The following STX5 variants were observed in gnomAD, a reference collection of about 807,000 sequenced individuals.
STX5 encodes the protein syntaxin 5.
In STX5, 15 loss-of-function variants were observed where a neutral mutation model predicts 42.9. That is an observed-to-expected ratio of 0.35 (90% confidence interval 0.23 to 0.54). The LOEUF (loss-of-function observed/expected upper bound fraction) is 0.54. Among genes scored for constraint, STX5 ranks in the 20% least tolerant of loss-of-function variants. The probability of loss-of-function intolerance (pLI) is 0.91; values close to 1 mark genes in which losing one functional copy is unlikely to be tolerated. For missense variants in STX5, 430 were observed against 455.0 expected (o/e 0.95, Z 0.50); for synonymous variants, 184 against 173.2 (o/e 1.06, Z -0.49).
chr11:62,827,369 A>T lies in STX5; in HGVS notation c.326T>A (p.Phe109Tyr). The T allele has an allele frequency of 6.2e-7, 1 of 1,614,210 alleles. No individual in the cohort carries two copies. The highest frequency in any genetic ancestry group is 8.5e-7 in the Non-Finnish European group (1 of 1,180,046). The change falls in exon 4 of 11, where the codon TTT becomes TAT. Residue 109 changes from phenylalanine (F) to tyrosine (Y), a missense_variant. By Grantham distance (22) the Phe-to-Tyr change is conservative. Coordinates refer to ENST00000294179, the MANE Select transcript of STX5 (RefSeq NM_003164.5). ...GATTGTCAGCTTCTCCAGCTTGGCA[A>T]ATGTGTTGCTAAGGTCTTTCCCAAT... ...KRIGKDLSNTFAKLEKLTILA... is the reference protein window; with the variant it reads ...KRIGKDLSNTYAKLEKLTILA...
At position 62,807,337 on chromosome 11, in the gene STX5, G is replaced by A. The variant is rs975309349; in HGVS notation, c.*132C>T. 1.4e-5 allele frequency: 20 copies of A among 1,388,144 alleles called. No homozygotes were observed. Among genetic ancestry groups the A allele is most frequent in the Non-Finnish European group, 1.8e-5 (19 of 1,042,516 alleles). The allele number at this position is 1,388,144 out of a possible 1,614,324, so 86.0% of individuals were successfully genotyped here. A position where few individuals can be genotyped will look rare whatever the true frequency, so the allele number is the denominator to read the frequency against. On this transcript the variant is annotated 3_prime_UTR_variant, in exon 11 of 11. Transcript: ENST00000294179. ...AAGGGGTGGGGGATCAGGGGCAGTG[G>A]TCATTCTTAGCAGTTCCAGGGAAAC...
intron 3 of STX5, 31 bp from the exon 4 acceptor site, chr11:62,827,429 A>C (rs757163333): frequency 6.2e-7 from 1 of 1,614,136 alleles, no homozygotes; most frequent in Non-Finnish European, 8.5e-7. Flanking sequence ...GACTGTGGGA[A>C]AGGGCAGGAC....
Position 62,827,770 on chromosome 11 carries a change from G to A in STX5, c.226-139C>T, listed in dbSNP as rs555503063. 22 of 842,578 alleles carry A rather than the reference G, an allele frequency of 2.6e-5. No homozygotes were observed. The East Asian group carries it at 4.4e-4, about 17-fold the overall frequency. 52.2% of individuals were successfully genotyped at this position (842,578 alleles called of 1,614,324 possible). ...TGATCTAGATTTATGAGTGGTAGTC[G>A]TTTAGAGTCCAGATTTGAAGAGCAG... On this transcript the variant is annotated intron_variant, in intron 2 of 10. Coordinates refer to ENST00000294179, the MANE Select transcript of STX5 (RefSeq NM_003164.5).
At chr11:62,821,321 C>T (rs2084737823) in intron 10 of STX5, among the ~76,000 whole-genome samples, 1 of 151,902 alleles carries the variant, frequency 6.6e-6, no homozygotes, top group African/African-American at 2.4e-5. Context: ...AAAAGAAAAA[C>T]CTGTCAAAAT....
At chr11:62,825,230 C>T in intron 7 of STX5, 53 bp downstream of exon 7, 2 of 1,613,082 alleles carry the variant, frequency 1.2e-6, no homozygotes, top group Admixed American at 1.7e-5. Context: ...CTTCATTTCC[C>T]TCTTGGATCT....
rs1429266675 is a variant in STX5 at position 62,824,532 on chromosome 11, T to A, written c.713A>T (p.His238Leu). ...GTCGATGGCGACATCCTTGGAGGCA[T>A]GGGACTCTGCCCCCAGAACCACAGC... Reference protein sequence around the residue: ...GGAVVLGAESHASKDVAIDMM... With the variant: ...GGAVVLGAESLASKDVAIDMM... The change falls in exon 9 of 11, where the codon CAT (histidine) becomes CTT (leucine). Residue 238 changes from histidine to leucine, a missense_variant. Coordinates refer to ENST00000294179, the MANE Select transcript of STX5 (RefSeq NM_003164.5). 6.2e-7 allele frequency: 1 copy of A among 1,614,154 alleles called. No individual in the cohort carries two copies. Among genetic ancestry groups the A allele is most frequent in the South Asian group, 1.1e-5 (1 of 91,082 alleles).
intron 10 of STX5, among the ~76,000 whole-genome samples, chr11:62,816,468 A>G (rs550019856): frequency 1.3e-5 from 2 of 152,148 alleles, no homozygotes; most frequent in Admixed American, 6.6e-5. Flanking sequence ...TCTTGGAGAG[A>G]TAGGGTCTTG....
At chr11:62,813,581 A>G (rs1266530842) in intron 10 of STX5, among the ~76,000 whole-genome samples, 2 of 152,184 alleles carry the variant, frequency 1.3e-5, no homozygotes, top group Non-Finnish European at 2.9e-5. Context: ...CCGGCTTTAT[A>G]CAAATGTAGG....
chr11:62,807,870 C>A, intron 10 of STX5: 1 of 630,272 alleles, frequency 1.6e-6, no homozygotes, highest in Non-Finnish European at 2.5e-6. Flanking sequence ...TTTTCCTCAC[C>A]GGCAAAATGA....
chr11:62,817,092 A>AT (rs1169811527), intron 10 of STX5, among the ~76,000 whole-genome samples: 1 of 151,518 alleles, frequency 6.6e-6, no homozygotes, highest in East Asian at 2.0e-4. Context: ...TGCCCAGCTA[A>AT]TTTTTTTGTA....
rs2084784566 is a variant in STX5, at chr11:62,825,453, G to A, written c.510C>T (p.Thr170=). The part of the protein sequence containing the change: ...KGSQSGRHLQ[T]HSNTIVVSLQ... ...AGGAGACCACAATGGTGTTGGAGTG[G>A]GTCTGCAGGTGCCGGCCACTCTGGC... Residue 170 remains threonine (T), a synonymous_variant, in exon 6 of 11, where the codon ACC becomes ACT. Transcript: ENST00000294179. 2.5e-6 allele frequency: 4 copies of A among 1,614,082 alleles called. No individual in the cohort carries two copies. The highest frequency in any genetic ancestry group is 3.4e-6 in the Non-Finnish European group (4 of 1,180,034).
intron 10 of STX5, among the ~76,000 whole-genome samples, chr11:62,811,302 T>C (rs2134808887): frequency 6.6e-6 from 1 of 152,356 alleles, no homozygotes; most frequent in Non-Finnish European, 1.5e-5. Context: ...GTCATTTAGC[T>C]GTCCCATGAA....
intron 10 of STX5, among the ~76,000 whole-genome samples, chr11:62,818,799 G>C (rs1348577485): frequency 2.0e-5 from 3 of 151,512 alleles, no homozygotes; most frequent in Non-Finnish European, 4.4e-5. Flanking sequence ...AGCCATGATC[G>C]TGCCACTGCA....
chr11:62,819,702 GTTT>G (rs1431203347), intron 10 of STX5, among the ~76,000 whole-genome samples: 2 of 150,812 alleles, frequency 1.3e-5, no homozygotes, highest in South Asian at 4.2e-4. Context: ...TTGTGTTTTT[GTTT>G]TTGTTTTTTC....
chr11:62,817,575 G>T (rs2084689566), intron 10 of STX5, among the ~76,000 whole-genome samples: 1 of 152,076 alleles, frequency 6.6e-6, no homozygotes. Flanking sequence ...AATGAAACAG[G>T]GAACTGTGAC....
chr11:62,829,427 A>AAAAT (rs56250621), intron 2 of STX5, among the ~76,000 whole-genome samples: 29,690 of 148,744 alleles, frequency 0.2, 3,747 homozygotes, highest in African/African-American at 0.35. Context: ...TCCCATCTCA[A>AAAAT]AAATAAATAA....
At chr11:62,809,070 C>T (rs887145257) in intron 10 of STX5, among the ~76,000 whole-genome samples, 23 of 151,896 alleles carry the variant, frequency 1.5e-4, no homozygotes, top group African/African-American at 4.8e-4. Flanking sequence ...AGGCCGATCA[C>T]GAAGTCAGGA....
chr11:62,818,565 G>GAAAAA (rs1307603732), intron 10 of STX5, among the ~76,000 whole-genome samples: 5 of 92,766 alleles, frequency 5.4e-5, no homozygotes, highest in African/African-American at 1.3e-4. Flanking sequence ...CTCTGTCTCA[G>GAAAAA]AAAAAAAAAA....
At chr11:62,813,113 A>G (rs1192110572) in intron 10 of STX5, among the ~76,000 whole-genome samples, 1 of 150,458 alleles carries the variant, frequency 6.6e-6, no homozygotes, top group East Asian at 1.9e-4. Flanking sequence ...AAAAAAAAAA[A>G]TCAGTCAATT....
Sources: allele counts gnomAD v4.1 joint callset (sites outside exome capture counted in the v4.1 genomes callset), GRCh38; gene constraint gnomAD v4.1.1; transcripts MANE v1.5; gene names NCBI Gene and HGNC (gene_info 2026-07-23, HGNC 2026-07-21).